The following POLK variants were observed in gnomAD, a reference collection of about 807,000 sequenced individuals.
POLK encodes the protein DNA polymerase kappa.
In POLK, 76 loss-of-function variants were observed where a neutral mutation model predicts 94.0. The ratio of observed to expected loss-of-function variants is 0.81; its 90% CI spans 0.67 to 0.98. The LOEUF is 0.98. Among genes scored for constraint, POLK ranks in the 50% least tolerant of loss-of-function variants. The pLI is 0.00. For synonymous variants in POLK, 349 were observed against 325.4 expected, an observed-to-expected ratio of 1.07 and a Z score of -0.78; for missense variants, 954 against 1,010.1, an observed-to-expected ratio of 0.94 and a Z score of 0.75.
At chr5:75,577,952 T>TA (rs1771990727) in intron 6 of POLK, among the ~76,000 whole-genome samples, 2 of 152,192 alleles carry the variant, frequency 1.3e-5, no homozygotes, top group Non-Finnish European at 2.9e-5. Flanking sequence ...GTAACTTTAT[T>TA]GTTTGAGGAT....
the POLK span, chr5:75,609,785 AAAAT>A: frequency 1.3e-5 from 2 of 152,238 alleles, no homozygotes; most frequent in Admixed American, 1.3e-4. Context: ...GTGTTCTGAT[AAAAT>A]AAATAATATT....
intron 5 of POLK, among the ~76,000 whole-genome samples, chr5:75,575,926 T>C (rs1213187242): frequency 6.6e-6 from 1 of 152,204 alleles, no homozygotes; most frequent in Non-Finnish European, 1.5e-5. Context: ...TAAATTTTTT[T>C]TGAGGCAGGG....
chr5:75,587,040 A>G, exon 10 of POLK: 1 of 1,556,058 alleles, frequency 6.4e-7, no homozygotes, highest in Non-Finnish European at 8.8e-7. Context: ...GGAGAGAGGA[A>G]AAGTATGAGC....
At chr5:75,559,628 C>T (rs781636093) in intron 3 of POLK, among the ~76,000 whole-genome samples, 3 of 141,910 alleles carry the variant, frequency 2.1e-5, no homozygotes, top group Admixed American at 7.4e-5. Flanking sequence ...CCTCCAACTA[C>T]TGGGCTCAAA....
chr5:75,579,300 C>T (rs1453447385), intron 6 of POLK, among the ~76,000 whole-genome samples: 1 of 152,092 alleles, frequency 6.6e-6, no homozygotes, highest in Non-Finnish European at 1.5e-5. Context: ...TGACTTCTAC[C>T]CATCCAGATG....
chr5:75,539,997 ATACAC>A (rs1769655786), intron 1 of POLK, among the ~76,000 whole-genome samples: 1 of 152,194 alleles, frequency 6.6e-6, no homozygotes. Context: ...AACCCCTGCC[ATACAC>A]TATTAGAGCT....
chr5:75,546,309 G>T (rs1170474524), intron 1 of POLK, among the ~76,000 whole-genome samples: 1 of 152,084 alleles, frequency 6.6e-6, no homozygotes, highest in Non-Finnish European at 1.5e-5. Flanking sequence ...TCATTAAGTG[G>T]AAGTAGATCA....
intron 1 of POLK, among the ~76,000 whole-genome samples, chr5:75,545,156 T>C (rs5744581): frequency 3.8e-3 from 580 of 152,354 alleles, no homozygotes; most frequent in Non-Finnish European, 7.0e-3. Flanking sequence ...AAACTACCAC[T>C]AATAGTCACA....
At position 75,572,861 on chromosome 5, in the gene POLK, C is replaced by G. The variant is rs182137311; in HGVS notation, c.409-877C>G. ...TGGCGATCATTAAAAAGTCAGGAAA[C>G]AACAGGTGCTGGAGAGGATGTGGAG... is the stretch of plus-strand genomic sequence containing the variant. On this transcript the variant is annotated intron_variant, in intron 4 of 14. Transcript: ENST00000241436. 7.6e-3 allele frequency among the ~76,000 whole-genome samples: 1,154 copies of G among 152,180 alleles called. 11 individuals are homozygous for G. Among genetic ancestry groups the G allele is most frequent in the Non-Finnish European group, 9.8e-3 (663 of 67,984 alleles).
chr5:75,552,867 G>A (rs570212222), intron 3 of POLK, among the ~76,000 whole-genome samples: 7 of 152,222 alleles, frequency 4.6e-5, no homozygotes, highest in Middle Eastern at 6.8e-3. Context: ...GATAGGACAG[G>A]TAGTTAGCAG....
upstream of POLK, chr5:75,511,597 A>C: frequency 2.7e-6 from 4 of 1,465,804 alleles, no homozygotes; most frequent in South Asian, 5.5e-5. Context: ...CACCTCCGCT[A>C]CCGCCGCCAT....
At chr5:75,581,383 C>A (rs750829402) in exon 7 of POLK, 2 of 1,612,874 alleles carry the variant, frequency 1.2e-6, no homozygotes, top group South Asian at 2.2e-5. Flanking sequence ...GGAACATCAG[C>A]CCAGGAAGTG....
intron 3 of POLK, among the ~76,000 whole-genome samples, chr5:75,557,292 A>G (rs1040887646): frequency 3.9e-5 from 6 of 152,164 alleles, no homozygotes; most frequent in African/African-American, 1.2e-4. Context: ...CTTCTTCTAC[A>G]ATATTTTGTT....
At chr5:75,590,592 C>G in intron 11 of POLK, 152 bp downstream of exon 11, 1 of 589,522 alleles carries the variant, frequency 1.7e-6, no homozygotes, top group East Asian at 2.7e-5. Flanking sequence ...CAGTCAGATA[C>G]AAATCCAATT....
At chr5:75,587,166 T>C in intron 10 of POLK, 108 bp downstream of exon 10, 1 of 681,018 alleles carries the variant, frequency 1.5e-6, no homozygotes, top group East Asian at 3.0e-5. Flanking sequence ...TATTTGCAAA[T>C]TACTATAACA....
chr5:75,593,476 C>A (rs1040077010), intron 11 of POLK, among the ~76,000 whole-genome samples: 2 of 152,106 alleles, frequency 1.3e-5, no homozygotes, highest in Admixed American at 6.5e-5. Context: ...GGTTATAATT[C>A]CATATTCTTA....
rs1189396459 is a variant in POLK, at chr5:75,568,539, G to A, written c.256-801G>A. On this transcript the variant is annotated intron_variant, in intron 3 of 14. Transcript: ENST00000241436. ...TACCCCCTTTCATTTCTTTCTCGTT[G>A]TAAAACTAAGTTGTTAGTTTTCTCT... 4 of 187,400 alleles carry A rather than the reference G, an allele frequency of 2.1e-5. No individual in the cohort carries two copies. The Admixed American group carries it at 2.5e-4, about 12-fold the overall frequency. The allele number at this position is 187,400 out of a possible 1,614,324, so 11.6% of individuals were successfully genotyped here.
intron 5 of POLK, among the ~76,000 whole-genome samples, chr5:75,574,918 G>A (rs967129560): frequency 2.0e-5 from 3 of 152,150 alleles, no homozygotes; most frequent in Admixed American, 6.5e-5. Context: ...TCCTACAAAA[G>A]TTTAGTAAGA....
rs373927389 is a variant in POLK, at chr5:75,573,693, A to G, written c.409-45A>G. On this transcript the variant is annotated intron_variant, in intron 4 of 14. Coordinates refer to ENST00000241436, the Ensembl canonical transcript of POLK. Reference sequence around the variant, plus strand: ...TATGAATGCATTGATCAATATGTCCATTTAGGTTTGTGTATTTTTTTCCAT... The same window carrying G: ...TATGAATGCATTGATCAATATGTCCGTTTAGGTTTGTGTATTTTTTTCCAT... 3 of 1,525,656 alleles carry G rather than the reference A, an allele frequency of 2.0e-6. No individual in the cohort carries two copies. In the Admixed American group the frequency reaches 5.0e-5, roughly 26 times the overall value. 94.5% of individuals were successfully genotyped at this position (1,525,656 alleles called of 1,614,324 possible). A position where few individuals can be genotyped will look rare whatever the true frequency, so the allele number is the denominator to read the frequency against.
Sources: gnomAD v4.1 joint callset for allele counts (sites outside exome capture counted in the v4.1 genomes callset) on GRCh38, gnomAD v4.1.1 for gene constraint, MANE v1.5 for transcripts, NCBI Gene and HGNC (gene_info 2026-07-23, HGNC 2026-07-21) for gene names.